PCDH15: variants seen among roughly 807,000 people sequenced by gnomAD.
The protein encoded by PCDH15 is protocadherin-15.
In PCDH15, 129 loss-of-function variants were observed where a neutral mutation model predicts 178.5. That is an observed-to-expected ratio of 0.72 (90% CI 0.63 to 0.84). The LOEUF is 0.84. Ranked by LOEUF, PCDH15 falls within the 40% of genes least tolerant of loss-of-function variation. The pLI, the probability that PCDH15 is intolerant of heterozygous loss-of-function variation, is 0.00. For synonymous variants in PCDH15, 800 were observed against 732.0 expected (o/e 1.09, Z -1.50); for missense variants, 2,230 against 2,099.9 (o/e 1.06, Z -1.21).
chr10:54,084,940 A>G (rs911744308), intron 16 of PCDH15, among the ~76,000 whole-genome samples: 3 of 152,134 alleles, frequency 2.0e-5, no homozygotes, highest in Admixed American at 6.6e-5. Flanking sequence ...TTTAAAATGT[A>G]CAGTTGCTTC....
intron 2 of PCDH15, among the ~76,000 whole-genome samples, chr10:55,022,997 A>C (rs1840375534): frequency 6.6e-6 from 1 of 151,872 alleles, no homozygotes; most frequent in Admixed American, 6.6e-5. Flanking sequence ...GCTGGAGTGC[A>C]GTGGCTCCAT....
intron 3 of PCDH15, among the ~76,000 whole-genome samples, chr10:54,516,412 T>C (rs1235720944): frequency 6.6e-6 from 1 of 151,886 alleles, no homozygotes; most frequent in East Asian, 1.9e-4. Flanking sequence ...ACGTGAAGAA[T>C]GCAGAAGCCT....
intron 1 of PCDH15, among the ~76,000 whole-genome samples, chr10:55,235,536 C>T (rs777183051): frequency 1.3e-5 from 2 of 152,002 alleles, no homozygotes; most frequent in Admixed American, 6.6e-5. Flanking sequence ...GAGAAGAGTT[C>T]TCATTCTTCC....
intron 13 of PCDH15, among the ~76,000 whole-genome samples, chr10:54,175,553 A>T (rs1168767508): frequency 1.3e-5 from 2 of 152,030 alleles, no homozygotes; most frequent in Admixed American, 1.3e-4. Context: ...TAGTTTATAT[A>T]GTTAGTTTAA....
At chr10:53,842,352 G>T (rs1398673854) in intron 28 of PCDH15, among the ~76,000 whole-genome samples, 1 of 152,090 alleles carries the variant, frequency 6.6e-6, no homozygotes, top group African/African-American at 2.4e-5. Flanking sequence ...CACCTCCCGG[G>T]TTCAAGGGAT....
intron 21 of PCDH15, among the ~76,000 whole-genome samples, chr10:53,975,592 T>C (rs1029623761): frequency 1.3e-5 from 2 of 152,208 alleles, no homozygotes; most frequent in African/African-American, 4.8e-5. Flanking sequence ...GAGAAGTGTC[T>C]GTTCACGTCC....
chr10:55,367,987 C>T lies in PCDH15; in HGVS notation c.-155-201336G>A, dbSNP rs116358522. On this transcript the variant is annotated intron_variant, in intron 2 of 5. Transcript: ENST00000613346. ...TCTCTGGCCTCCCATTACACACACG[C>T]TTTTCTTTTGACAGATAAATATTAA... Among the ~76,000 whole-genome samples the T allele has an allele frequency of 5.6e-3, 856 of 152,240 alleles. 10 individuals carry two copies. The highest frequency in any genetic ancestry group is 0.02 in the African/African-American group (817 of 41,562).
At chr10:54,571,089 C>T (rs1461251126) in intron 2 of PCDH15, among the ~76,000 whole-genome samples, 1 of 151,938 alleles carries the variant, frequency 6.6e-6, no homozygotes, top group Non-Finnish European at 1.5e-5. Flanking sequence ...GCCCAATGCC[C>T]TAAAACAGAC....
intron 2 of PCDH15, among the ~76,000 whole-genome samples, chr10:55,507,114 T>C (rs528538734): frequency 1.3e-5 from 2 of 151,632 alleles, no homozygotes; most frequent in East Asian, 3.9e-4. Context: ...TTGCATAAGA[T>C]CAAAGCCACA....
chr10:53,890,428 A>G (rs1005620855), intron 26 of PCDH15, among the ~76,000 whole-genome samples: 10 of 152,138 alleles, frequency 6.6e-5, no homozygotes, highest in Non-Finnish European at 1.0e-4. Context: ...CACTGTCTCA[A>G]AAAAAAGAAC....
At chr10:54,736,506 CTTCT>C (rs145610454) in intron 1 of PCDH15, among the ~76,000 whole-genome samples, 18,963 of 151,886 alleles carry the variant, frequency 0.12, 1,327 homozygotes, top group African/African-American at 0.18. Context: ...TTGTACTTAT[CTTCT>C]TTCTAAGAAT....
intron 2 of PCDH15, among the ~76,000 whole-genome samples, chr10:54,998,955 G>C (rs1839720010): frequency 6.6e-6 from 1 of 152,144 alleles, no homozygotes; most frequent in Non-Finnish European, 1.5e-5. Flanking sequence ...AAGATAAAAT[G>C]TGGGGGTTGC....
At chr10:54,533,375 G>T (rs1035709486) in intron 2 of PCDH15, among the ~76,000 whole-genome samples, 13 of 152,030 alleles carry the variant, frequency 8.6e-5, no homozygotes, top group African/African-American at 3.1e-4. Flanking sequence ...GATGTGAAAG[G>T]CTACCAATAA....
At chr10:54,245,519 C>T (rs1269939403) in intron 8 of PCDH15, among the ~76,000 whole-genome samples, 1 of 152,000 alleles carries the variant, frequency 6.6e-6, no homozygotes, top group East Asian at 1.9e-4. Context: ...TGGTCGATTG[C>T]TTATGCCAAA....
At chr10:53,931,869 G>A (rs1206814648) in intron 25 of PCDH15, among the ~76,000 whole-genome samples, 1 of 152,032 alleles carries the variant, frequency 6.6e-6, no homozygotes, top group African/African-American at 2.4e-5. Context: ...TCTGCCTTTG[G>A]GGAAGAGGCT....
chr10:55,363,053 C>T (rs894149380), intron 2 of PCDH15, among the ~76,000 whole-genome samples: 14 of 152,202 alleles, frequency 9.2e-5, no homozygotes, highest in African/African-American at 3.4e-4. Flanking sequence ...GGACCACATG[C>T]AGTCCATGGG....
At chr10:54,108,902 T>A (rs1243072586) in intron 15 of PCDH15, among the ~76,000 whole-genome samples, 1 of 152,068 alleles carries the variant, frequency 6.6e-6, no homozygotes, top group East Asian at 1.9e-4. Flanking sequence ...AATAGAAACC[T>A]CTGCCTTGAA....
At chr10:54,824,188 T>C (rs1396798248) in intron 3 of PCDH15, among the ~76,000 whole-genome samples, 2 of 152,248 alleles carry the variant, frequency 1.3e-5, no homozygotes, top group South Asian at 4.1e-4. Context: ...ATTCACCATG[T>C]GTTTATGGAT....
At chr10:54,089,047 T>C (rs2094558056) in intron 16 of PCDH15, among the ~76,000 whole-genome samples, 2 of 152,150 alleles carry the variant, frequency 1.3e-5, no homozygotes, top group African/African-American at 2.4e-5. Flanking sequence ...CAAATAGAAG[T>C]TTACTTATCT....
Sources: gnomAD v4.1 joint callset for allele counts (sites outside exome capture counted in the v4.1 genomes callset) on GRCh38, gnomAD v4.1.1 for gene constraint, MANE v1.5 for transcripts, NCBI Gene and HGNC (gene_info 2026-07-23, HGNC 2026-07-21) for gene names.